ADCY3: variants seen among roughly 807,000 people sequenced by gnomAD.
The protein encoded by ADCY3 is adenylate cyclase type 3.
ADCY3 carries 70 observed loss-of-function variants against 119.4 expected under a neutral mutation model. The ratio of observed to expected loss-of-function variants is 0.59; its 90% CI spans 0.48 to 0.72. The LOEUF (loss-of-function observed/expected upper bound fraction) is 0.72. Ranked by LOEUF, ADCY3 falls within the 30% of genes least tolerant of loss-of-function variation. The pLI is 0.00. For missense variants in ADCY3, 1,238 were observed against 1,541.6 expected (o/e 0.80, Z 3.30); for synonymous variants, 672 against 621.4 (o/e 1.08, Z -1.21).
chr2:24,861,419 G>T (rs535235001), intron 3 of ADCY3, among the ~76,000 whole-genome samples: 3 of 152,098 alleles, frequency 2.0e-5, no homozygotes, highest in Admixed American at 1.3e-4. Flanking sequence ...TCTTAAAAAA[G>T]ACATTAAGCA....
At position 24,918,391 on chromosome 2, in the gene ADCY3, C is replaced by A; in HGVS notation, c.597G>T (p.Val199=). Residue 199 remains valine, a synonymous_variant, in exon 2 of 22, where the codon GTG becomes GTT. Coordinates refer to ENST00000679454, the MANE Select transcript of ADCY3 (RefSeq NM_004036.5). This position sits in a 1 kb window ranked among gnomAD's most constrained non-coding sequence, Gnocchi z 5.4. ...TGACCCCCAGGACCAACGTGTGCAC[C>A]ACACAGGAGACCACGGAGATGATCA... The part of the protein sequence containing the change: ...PIVIISVVSC[V]VHTLVLGVTV... The A allele has an allele frequency of 6.2e-7, 1 of 1,613,542 alleles. No homozygotes were observed. The highest frequency in any genetic ancestry group is 8.5e-7 in the Non-Finnish European group (1 of 1,179,886).
At position 24,842,437 on chromosome 2, in the gene ADCY3, G is replaced by A; in HGVS notation, c.826-53C>T. The A allele has an allele frequency of 9.3e-6, 15 of 1,609,402 alleles. No individual in the cohort carries two copies. Among genetic ancestry groups the A allele is most frequent in the Non-Finnish European group, 1.3e-5 (15 of 1,177,114 alleles). On this transcript the variant is annotated intron_variant, in intron 3 of 21. Coordinates refer to ENST00000679454, the MANE Select transcript of ADCY3 (RefSeq NM_004036.5). The surrounding 1 kb of genome is among the most constrained non-coding windows in gnomAD (Gnocchi z 4.9). ...CAAAGGTAGGCCCTGCTAGAGGCAAGTTCAGATACTTCTGGGAAGAAATGC... is the reference window on the plus strand; with the variant it reads ...CAAAGGTAGGCCCTGCTAGAGGCAAATTCAGATACTTCTGGGAAGAAATGC...
At chr2:24,908,697 C>T (rs1336631284) in intron 2 of ADCY3, among the ~76,000 whole-genome samples, 1 of 152,140 alleles carries the variant, frequency 6.6e-6, no homozygotes, top group African/African-American at 2.4e-5. Context: ...GGGAAGCAGT[C>T]CCTCAACTGG....
intron 2 of ADCY3, among the ~76,000 whole-genome samples, chr2:24,889,742 A>C (rs1677459524): frequency 6.6e-6 from 1 of 152,252 alleles, no homozygotes; most frequent in African/African-American, 2.4e-5. Context: ...AGGCTGAGGC[A>C]GGAGAATCGC....
At chr2:24,895,585 C>A (rs1025115010) in intron 2 of ADCY3, among the ~76,000 whole-genome samples, 1 of 151,874 alleles carries the variant, frequency 6.6e-6, no homozygotes, top group Non-Finnish European at 1.5e-5. Context: ...CAGTGATGCT[C>A]TGAGTATTAC....
At chr2:24,868,111 C>T (rs1470456898) in intron 3 of ADCY3, among the ~76,000 whole-genome samples, 1 of 152,114 alleles carries the variant, frequency 6.6e-6, no homozygotes, top group Non-Finnish European at 1.5e-5. Context: ...ATTTCAAAGA[C>T]TTGAAATTAG....
intron 2 of ADCY3, among the ~76,000 whole-genome samples, chr2:24,910,883 G>A (rs1373353464): frequency 6.6e-6 from 1 of 152,096 alleles, no homozygotes; most frequent in Non-Finnish European, 1.5e-5. Flanking sequence ...CTGACCTCGT[G>A]ATCCACCCAC....
intron 2 of ADCY3, among the ~76,000 whole-genome samples, chr2:24,900,034 A>G (rs1169717029): frequency 6.6e-6 from 1 of 151,876 alleles, no homozygotes. Context: ...TTCATACTAC[A>G]TAGTATTTTC....
At chr2:24,912,602 T>C (rs200568580) in intron 2 of ADCY3, among the ~76,000 whole-genome samples, 1 of 40,426 alleles carries the variant, frequency 2.5e-5, no homozygotes, top group Non-Finnish European at 4.6e-5. Flanking sequence ...TGTGTGTGTG[T>C]GCATGTGTGT....
At position 24,842,313 on chromosome 2, in the gene ADCY3, C is replaced by T; in HGVS notation, c.897G>A (p.Glu299=). 1 of 1,614,128 alleles carries T rather than the reference C, an allele frequency of 6.2e-7. No individual in the cohort carries two copies. The change falls in exon 4 of 22, where the codon GAG becomes GAA. Residue 299 remains glutamate, a synonymous_variant. Coordinates refer to ENST00000679454, the MANE Select transcript of ADCY3 (RefSeq NM_004036.5). The surrounding 1 kb of genome is among the most constrained non-coding windows in gnomAD (Gnocchi z 4.9). ...DEMLKDMKKD[E]SQKDQQQFNT... is the part of the protein sequence containing the mutation. ...TGAACTGCTGCTGGTCCTTCTGGCT[C>T]TCGTCTTTCTTCATGTCTTTCAGCA...
At chr2:24,915,485 C>T (rs561086317) in intron 2 of ADCY3, among the ~76,000 whole-genome samples, 2 of 152,242 alleles carry the variant, frequency 1.3e-5, no homozygotes, top group South Asian at 2.1e-4. Flanking sequence ...CAGGGGAGAC[C>T]GCTGTCCCGG....
Position 24,872,889 on chromosome 2 carries a change from ACAC to A in ADCY3, c.676-173_676-171del, listed in dbSNP as rs1399968949. 4.6e-5 allele frequency among the ~76,000 whole-genome samples: 7 copies of A among 152,214 alleles called. No homozygotes were observed. The highest frequency in any genetic ancestry group is 1.2e-4 in the African/African-American group (5 of 41,462). On this transcript the variant is annotated intron_variant, in intron 2 of 21. Transcript: ENST00000679454. This position sits in a 1 kb window ranked among gnomAD's most constrained non-coding sequence, Gnocchi z 4.4. ...ACAGCCTTGGACCCCAGAGCCTCAG[ACAC>A]CACCACATGTACCACGGATGGGTGG...
intron 2 of ADCY3, chr2:24,877,895 C>A (rs1675915687): frequency 2.1e-6 from 1 of 471,168 alleles, no homozygotes; most frequent in Non-Finnish European, 4.4e-6. Flanking sequence ...ACTGCACTGC[C>A]CAGTCCCGGG....
Position 24,820,128 on chromosome 2 carries a change from G to A in ADCY3, c.3253-14C>T. 18 of 1,533,066 alleles carry A rather than the reference G, an allele frequency of 1.2e-5. No individual in the cohort carries two copies. The highest frequency in any genetic ancestry group is 1.5e-5 in the Non-Finnish European group (17 of 1,140,256). 95.0% of individuals were successfully genotyped at this position (1,533,066 alleles called of 1,614,324 possible). A position where few individuals can be genotyped will look rare whatever the true frequency, so the allele number is the denominator to read the frequency against. ...TTCTTCTACCACCTGGAGAGGGAGGGGGAGCAAGAACGTGGCGTTACGGGG... is the reference window on the plus strand; with the variant it reads ...TTCTTCTACCACCTGGAGAGGGAGGAGGAGCAAGAACGTGGCGTTACGGGG... On this transcript the variant is annotated splice_polypyrimidine_tract_variant and intron_variant, in intron 21 of 21. Transcript: ENST00000679454.
chr2:24,821,946 T>A, intron 19 of ADCY3: 1 of 324,720 alleles, frequency 3.1e-6, no homozygotes, highest in South Asian at 4.4e-5. Context: ...TGTCAGGTTG[T>A]CCTTGTTTGG....
At chr2:24,907,548 T>C (rs1663018260) in intron 2 of ADCY3, among the ~76,000 whole-genome samples, 1 of 152,046 alleles carries the variant, frequency 6.6e-6, no homozygotes, top group African/African-American at 2.4e-5. Context: ...CAAAGAGGAA[T>C]TTCCTAGAAG....
intron 2 of ADCY3, among the ~76,000 whole-genome samples, chr2:24,874,696 T>A (rs982531722): frequency 6.6e-6 from 1 of 152,132 alleles, no homozygotes; most frequent in African/African-American, 2.4e-5. Context: ...TGAGGGGAGC[T>A]GATTCTCAGC....
intron 2 of ADCY3, among the ~76,000 whole-genome samples, chr2:24,896,334 G>A (rs892815853): frequency 2.0e-5 from 3 of 152,122 alleles, no homozygotes; most frequent in South Asian, 2.1e-4. Flanking sequence ...GCAGTGAGCC[G>A]AGATCGTGCC....
chr2:24,905,031 G>C (rs574827851), intron 2 of ADCY3, among the ~76,000 whole-genome samples: 4 of 152,142 alleles, frequency 2.6e-5, no homozygotes, highest in Non-Finnish European at 4.4e-5. Flanking sequence ...CCAAAGCCCT[G>C]TCCAGCAAGC....
Sources: gnomAD v4.1 joint callset for allele counts (sites outside exome capture counted in the v4.1 genomes callset) on GRCh38, gnomAD v4.1.1 for gene constraint, Gnocchi (gnomAD v3.1) non-coding constraint, MANE v1.5 for transcripts, NCBI Gene and HGNC (gene_info 2026-07-23, HGNC 2026-07-21) for gene names.